The following VPS13D variants were observed in gnomAD, a reference collection of about 807,000 sequenced individuals.
VPS13D encodes vacuolar protein sorting 13 homolog D, also known as intermembrane lipid transfer protein VPS13D.
A neutral mutation model predicts 461.9 loss-of-function variants in VPS13D; 187 were observed. The ratio of observed to expected loss-of-function variants is 0.40; its 90% CI spans 0.36 to 0.46. VPS13D has a LOEUF of 0.46. Among genes scored for constraint, VPS13D ranks in the 20% least tolerant of loss-of-function variants. The pLI is 0.60. For missense variants in VPS13D, 4,711 were observed against 5,364.9 expected (o/e 0.88, Z 3.81); for synonymous variants, 1,951 against 1,986.3 (o/e 0.98, Z 0.47).
At chr1:12,255,263 G>A (rs904132892) in intron 7 of VPS13D, among the ~76,000 whole-genome samples, 2 of 152,006 alleles carry the variant, frequency 1.3e-5, no homozygotes, top group African/African-American at 2.4e-5. Flanking sequence ...GTTTTAATTC[G>A]ATTACATAAA....
At chr1:12,378,698 A>AT (rs1644234986) in intron 56 of VPS13D, 107 bp downstream of exon 56, 2 of 1,198,114 alleles carry the variant, frequency 1.7e-6, no homozygotes, top group Non-Finnish European at 2.2e-6. Context: ...AAAAATGTAT[A>AT]TTTTTTTCAA....
At chr1:12,364,945 A>G (rs751326513) in intron 52 of VPS13D, among the ~76,000 whole-genome samples, 7 of 152,146 alleles carry the variant, frequency 4.6e-5, no homozygotes, top group Non-Finnish European at 1.0e-4. Context: ...TGTGTATGGC[A>G]TAAGGTGAGG....
chr1:12,459,948 A>ATTTTT (rs779399019), intron 66 of VPS13D, among the ~76,000 whole-genome samples: 2 of 122,130 alleles, frequency 1.6e-5, no homozygotes, highest in Non-Finnish European at 3.5e-5. Flanking sequence ...CTTTTCTCTG[A>ATTTTT]TTTTTTTTTT....
At chr1:12,307,747 C>T (rs1467764680) in intron 26 of VPS13D, among the ~76,000 whole-genome samples, 1 of 152,192 alleles carries the variant, frequency 6.6e-6, no homozygotes, top group Non-Finnish European at 1.5e-5. Context: ...CTGCCTCAGC[C>T]TCCCAAAGTG....
Position 12,244,571 on chromosome 1 carries a change from A to G in VPS13D, c.401A>G (p.Tyr134Cys). 8 of 1,614,246 alleles carry G rather than the reference A, an allele frequency of 5.0e-6. No individual in the cohort carries two copies. The highest frequency in any genetic ancestry group is 6.8e-6 in the Non-Finnish European group (8 of 1,180,046). Residue 134 changes from tyrosine to cysteine, a missense_variant, in exon 5 of 70, where the codon TAT becomes TGT. Tyr to Cys is a radical substitution (Grantham distance 194, BLOSUM62 -2). This residue lies in a region of VPS13D where 4,411 missense variants were observed against 4,937.8 expected (regional missense o/e 0.89). Transcript: ENST00000620676. ...DRQQKGESYW[Y>C]SVTASVVTRI... Reference sequence around the variant, plus strand: ...CAGCAGAAAGGGGAGTCCTATTGGTATTCAGTTACCGCCTCCGTAGTTACA... The same window carrying G: ...CAGCAGAAAGGGGAGTCCTATTGGTGTTCAGTTACCGCCTCCGTAGTTACA...
Position 12,234,187 on chromosome 1 carries a change from A to G in VPS13D, c.-76-4A>G. 1 of 1,059,640 alleles carries G rather than the reference A, an allele frequency of 9.4e-7. No homozygotes were observed. The highest frequency in any genetic ancestry group is 1.4e-6 in the Non-Finnish European group (1 of 707,654). The allele number at this position is 1,059,640 out of a possible 1,614,324, so 65.6% of individuals were successfully genotyped here. On this transcript the variant is annotated splice_region_variant and splice_polypyrimidine_tract_variant and intron_variant, in intron 1 of 69. Transcript: ENST00000620676. ...TGTTGATTTTCATTATTTTCCTTTC[A>G]TAGATTTTTCTGTGACCATGAAAGA... is the stretch of plus-strand genomic sequence containing the variant.
chr1:12,444,884 G>C (rs1645174229), intron 65 of VPS13D, among the ~76,000 whole-genome samples: 1 of 152,168 alleles, frequency 6.6e-6, no homozygotes, highest in Non-Finnish European at 1.5e-5. Flanking sequence ...CCAGAGAGGA[G>C]TTAAACTTCT....
chr1:12,369,445 G>A (rs776288480), intron 53 of VPS13D, 22 bp from the exon 54 acceptor site: 2 of 1,611,114 alleles, frequency 1.2e-6, no homozygotes, highest in Non-Finnish European at 1.7e-6. Context: ...AGTCCTCTTT[G>A]TCCTCTCTGC....
In VPS13D at chr1:12,262,085, A is replaced by G. The variant is rs373123837; in HGVS notation, c.1594+5A>G. 3.1e-6 allele frequency: 5 copies of G among 1,604,116 alleles called. No individual in the cohort carries two copies. Among genetic ancestry groups the G allele is most frequent in the Non-Finnish European group, 4.3e-6 (5 of 1,172,992 alleles). On this transcript the variant is annotated splice_donor_5th_base_variant and intron_variant, in intron 13 of 69. Transcript: ENST00000620676. ...TCATGCAGCTCGAGTTTTCAGGTACACTGCCCCCAAGAAACTACCTGCCAC... is the reference window on the plus strand; with the variant it reads ...TCATGCAGCTCGAGTTTTCAGGTACGCTGCCCCCAAGAAACTACCTGCCAC...
At position 12,293,690 on chromosome 1, in the gene VPS13D, A is replaced by T. The variant is rs530181462; in HGVS notation, c.6019A>T (p.Ile2007Phe). 1 of 1,613,630 alleles carries T rather than the reference A, an allele frequency of 6.2e-7. No homozygotes were observed. Among genetic ancestry groups the T allele is most frequent in the Non-Finnish European group, 8.5e-7 (1 of 1,179,928 alleles). ...QDVLGRQRAA[I>F]EGQTVRDQAQ... Reference sequence around the variant, plus strand: ...TGTCTTAGGGCGCCAGCGAGCTGCTATTGAGGGGCAGACGGTAGGTAGCCT... The same window carrying T: ...TGTCTTAGGGCGCCAGCGAGCTGCTTTTGAGGGGCAGACGGTAGGTAGCCT... Residue 2007 changes from isoleucine (I) to phenylalanine (F), a missense_variant, in exon 24 of 70, where the codon ATT (isoleucine) becomes TTT (phenylalanine). Ile to Phe is a conservative substitution (Grantham distance 21). Coordinates refer to ENST00000620676, the MANE Select transcript of VPS13D (RefSeq NM_015378.4).
chr1:12,510,423 G>T lies in VPS13D; in HGVS notation c.*1399G>T. 1 of 152,254 alleles carries T rather than the reference G, an allele frequency of 6.6e-6. No individual in the cohort carries two copies. Among genetic ancestry groups the T allele is most frequent in the South Asian group, 2.1e-4 (1 of 4,822 alleles). 9.4% of individuals were successfully genotyped at this position (152,254 alleles called of 1,614,324 possible). A position where few individuals can be genotyped will look rare whatever the true frequency, so the allele number is the denominator to read the frequency against. ...CAGTGGATCAGTGGATGCGTGGAAGGTTTTGGTGTTTATAACTCATGACCC... is the reference window on the plus strand; with the variant it reads ...CAGTGGATCAGTGGATGCGTGGAAGTTTTTGGTGTTTATAACTCATGACCC... On this transcript the variant is annotated 3_prime_UTR_variant, in exon 70 of 70. Transcript: ENST00000620676.
chr1:12,424,269 G>A (rs1644896940), intron 65 of VPS13D, among the ~76,000 whole-genome samples: 1 of 152,168 alleles, frequency 6.6e-6, no homozygotes, highest in Middle Eastern at 3.2e-3. Context: ...AGGTACCTTC[G>A]AGTTGTTGTA....
chr1:12,370,050 T>C (rs1253315079), intron 54 of VPS13D, among the ~76,000 whole-genome samples: 5 of 152,238 alleles, frequency 3.3e-5, no homozygotes, highest in Non-Finnish European at 7.3e-5. Context: ...GTCATCATTC[T>C]GACTCTCCTC....
intron 48 of VPS13D, 25 bp from the exon 49 acceptor site, chr1:12,356,373 G>T (rs1643885978): frequency 6.2e-7 from 1 of 1,604,716 alleles, no homozygotes; most frequent in Non-Finnish European, 8.5e-7. Flanking sequence ...TGGTATTGAT[G>T]TAAACTTTTC....
chr1:12,366,365 G>T (rs1644034590), intron 52 of VPS13D, among the ~76,000 whole-genome samples: 1 of 152,176 alleles, frequency 6.6e-6, no homozygotes, highest in South Asian at 2.1e-4. Context: ...TTTTAAGGAG[G>T]TGACTCTAGT....
At chr1:12,453,215 T>G (rs1323769968) in intron 65 of VPS13D, among the ~76,000 whole-genome samples, 3 of 151,922 alleles carry the variant, frequency 2.0e-5, no homozygotes, top group Non-Finnish European at 4.4e-5. Context: ...TTGATGGGAG[T>G]AGAAGAAGAG....
intron 67 of VPS13D, among the ~76,000 whole-genome samples, chr1:12,492,999 G>A (rs1645903895): frequency 6.6e-6 from 1 of 151,146 alleles, no homozygotes; most frequent in South Asian, 2.1e-4. Flanking sequence ...AACAGCGGCT[G>A]CCTTAGTTAA....
chr1:12,234,442 A>G (rs1267351853), intron 2 of VPS13D, 79 bp downstream of exon 2: 3 of 1,145,702 alleles, frequency 2.6e-6, no homozygotes, highest in Non-Finnish European at 3.8e-6. Context: ...CCTGAGAATC[A>G]TAAAACCTAA....
Position 12,276,745 on chromosome 1 carries a change from A to T in VPS13D, c.3157A>T (p.Thr1053Ser), listed in dbSNP as rs1166876408. ...PVSGPNVAHL[T>S]DGATLNDRSA... ...CTCTGGACCGAATGTGGCCCACTTA[A>T]CTGATGGAGCTACACTGAACGACCG... is the stretch of plus-strand genomic sequence containing the variant. The change falls in exon 19 of 70, where the codon ACT (threonine) becomes TCT (serine). Residue 1053 changes from threonine to serine, a missense_variant. Around this residue, in one of 3 missense-constraint regions of VPS13D, gnomAD observed 4,411 missense variants for 4,937.8 expected, o/e 0.89. Coordinates refer to ENST00000620676, the MANE Select transcript of VPS13D (RefSeq NM_015378.4). The surrounding 1 kb of genome is among the most constrained non-coding windows in gnomAD (Gnocchi z 4.5). 1 of 1,614,186 alleles carries T rather than the reference A, an allele frequency of 6.2e-7. No individual in the cohort carries two copies. The highest frequency in any genetic ancestry group is 2.2e-5 in the East Asian group (1 of 44,884).
Sources: allele counts gnomAD v4.1 joint callset (sites outside exome capture counted in the v4.1 genomes callset), GRCh38; gene constraint gnomAD v4.1.1; regional missense constraint gnomAD v4.1.1; non-coding constraint Gnocchi (gnomAD v3.1); transcripts MANE v1.5; gene names NCBI Gene and HGNC (gene_info 2026-07-23, HGNC 2026-07-21).